Variants in IQSEC2 observed in about 807,000 individuals in gnomAD.
IQSEC2 encodes IQ motif and Sec7 domain ArfGEF 2.
Under a neutral mutation model 74.6 loss-of-function variants are expected in IQSEC2, and 6 were observed. The ratio of observed to expected loss-of-function variants is 0.08; its 90% confidence interval spans 0.04 to 0.16. IQSEC2 has a LOEUF of 0.16. Ranked by LOEUF, IQSEC2 falls within the 10% of genes least tolerant of loss-of-function variation. The probability of loss-of-function intolerance (pLI) is 1.00; values close to 1 mark genes in which losing one functional copy is unlikely to be tolerated. For synonymous variants in IQSEC2, 494 were observed against 544.5 expected (o/e 0.91, Z 1.29); for missense variants, 734 against 1,306.2 (o/e 0.56, Z 6.75).
intron 4 of IQSEC2, among the ~76,000 whole-genome samples, chrX:53,254,326 G>A (rs1327146546): frequency 5.9e-5 from 2 of 33,842 alleles, no homozygotes; most frequent in Admixed American, 4.3e-4. Context: ...GCGAAACTCC[G>A]TCTCAAAAAA....
chrX:53,321,247 T>G lies in IQSEC2; in HGVS notation c.-124A>C. Reference sequence around the variant, plus strand: ...GGGACGCGAGGGCGCGCACCGGGCTTGAGGGCCCGGGGGCCCTAGGGGGCC... The same window carrying G: ...GGGACGCGAGGGCGCGCACCGGGCTGGAGGGCCCGGGGGCCCTAGGGGGCC... On this transcript the variant is annotated 5_prime_UTR_variant, in exon 1 of 15. Transcript: ENST00000642864. The G allele has an allele frequency of 5.0e-6, 2 of 398,062 alleles. No individual in the cohort carries two copies. The highest frequency in any genetic ancestry group is 8.3e-6 in the Non-Finnish European group (2 of 241,427). The allele number at this position is 398,062 out of a possible 1,213,427, so 32.8% of individuals were successfully genotyped here.
intron 1 of IQSEC2, among the ~76,000 whole-genome samples, chrX:53,306,846 GC>G (rs2075267167): frequency 9.0e-6 from 1 of 111,262 alleles, no homozygotes; most frequent in Non-Finnish European, 1.9e-5. Context: ...CCACTTAGGG[GC>G]TTGCAGCTGA....
At chrX:53,257,055 C>T (rs1055605491) in intron 2 of IQSEC2, among the ~76,000 whole-genome samples, 4 of 111,499 alleles carry the variant, frequency 3.6e-5, no homozygotes, top group African/African-American at 1.3e-4. Context: ...GGGAAGGAGT[C>T]GGGCGGGAAG....
At position 53,312,368 on chromosome X, in the gene IQSEC2, G is replaced by A. The variant is rs1219364975; in HGVS notation, c.707+8049C>T. The stretch of plus-strand genomic sequence containing the variant: ...ACACACTGGATAGCACACTGCAATC[G>A]TCTATTTCCACCACCACCTTCTCCA... On this transcript the variant is annotated intron_variant, in intron 1 of 14. Transcript: ENST00000642864. Among the ~76,000 whole-genome samples, 7 of 111,642 alleles carry A rather than the reference G, an allele frequency of 6.3e-5. No individual in the cohort carries two copies. The Admixed American group carries it at 6.7e-4, about 11-fold the overall frequency.
At chrX:53,274,452 CTTTTTTTT>C (rs66510453) in intron 2 of IQSEC2, among the ~76,000 whole-genome samples, 2 of 47,111 alleles carry the variant, frequency 4.2e-5, no homozygotes, top group Admixed American at 4.0e-4. Flanking sequence ...AGTTACATTT[CTTTTTTTT>C]TTTTTTTTTT....
intron 4 of IQSEC2, among the ~76,000 whole-genome samples, chrX:53,251,672 A>G (rs1556863734): frequency 8.9e-6 from 1 of 112,189 alleles, no homozygotes; most frequent in Non-Finnish European, 1.9e-5. Context: ...CCTGGTATTC[A>G]CACCCTAGGG....
chrX:53,259,789 G>C (rs1556866109), intron 2 of IQSEC2, among the ~76,000 whole-genome samples: 1 of 84,294 alleles, frequency 1.2e-5, no homozygotes, highest in Non-Finnish European at 2.5e-5. Context: ...AACAAAGTGA[G>C]ACCCTGTCTC....
intron 2 of IQSEC2, chrX:53,281,573 C>A: frequency 8.8e-7 from 1 of 1,135,530 alleles, no homozygotes; most frequent in Non-Finnish European, 1.2e-6. Flanking sequence ...GGTGTCTCCA[C>A]CGTGTCACCA....
chrX:53,302,647 G>C (rs1488456630), intron 1 of IQSEC2, among the ~76,000 whole-genome samples: 4 of 112,010 alleles, frequency 3.6e-5, no homozygotes, highest in African/African-American at 1.3e-4. Flanking sequence ...AGGGTAAAAA[G>C]GCATTTGGGG....
At chrX:53,249,020 TCCC>T in intron 5 of IQSEC2, 138 bp from the exon 6 acceptor site, 2 of 590,171 alleles carry the variant, frequency 3.4e-6, no homozygotes, top group Non-Finnish European at 5.4e-6. Context: ...TTTGATCCAA[TCCC>T]ATCATGGCAC....
chrX:53,243,198 T>G, intron 9 of IQSEC2, 134 bp downstream of exon 9: 1 of 504,242 alleles, frequency 2.0e-6, no homozygotes. Context: ...CACAGCCTTC[T>G]GAGGAATGCA....
intron 8 of IQSEC2, among the ~76,000 whole-genome samples, chrX:53,245,756 AC>A (rs782562031): frequency 5.8e-4 from 64 of 110,700 alleles, no homozygotes; most frequent in Non-Finnish European, 1.0e-3. Flanking sequence ...GCAAGGTGAC[AC>A]CTTTCATCTG....
chrX:53,234,951 G>A lies in IQSEC2; in HGVS notation c.3735C>T (p.His1245=), dbSNP rs797045630. ...ASSTHHHHHH[H]HHGHSHGGLG... is the part of the protein sequence containing the mutation. ...GGCCACCGTGGCTATGGCCATGATGGTGGTGGTGGTGGTGGTGGTGCGTGG... is the reference window on the plus strand; with the variant it reads ...GGCCACCGTGGCTATGGCCATGATGATGGTGGTGGTGGTGGTGGTGCGTGG... The change falls in exon 15 of 15, where the codon CAC becomes CAT. Residue 1245 remains histidine, a synonymous_variant. Coordinates refer to ENST00000642864, the MANE Select transcript of IQSEC2 (RefSeq NM_001111125.3). 233 of 1,129,052 alleles carry A rather than the reference G, an allele frequency of 2.1e-4. No homozygotes were observed. Among genetic ancestry groups the A allele is most frequent in the Non-Finnish European group, 2.5e-4 (214 of 845,930 alleles). The allele number at this position is 1,129,052 out of a possible 1,213,427, so 93.0% of individuals were successfully genotyped here.
intron 2 of IQSEC2, among the ~76,000 whole-genome samples, chrX:53,286,285 G>C (rs947561174): frequency 8.9e-6 from 1 of 112,202 alleles, no homozygotes; most frequent in African/African-American, 3.2e-5. Context: ...TATGGAACTT[G>C]AAAGCACAGT....
At chrX:53,282,283 T>C (rs1437197008) in intron 2 of IQSEC2, among the ~76,000 whole-genome samples, 1 of 112,642 alleles carries the variant, frequency 8.9e-6, no homozygotes, top group African/African-American at 3.2e-5. Context: ...GATGGGCAAA[T>C]TGAGGCCTGG....
At chrX:53,269,343 C>T (rs2074705189) in intron 2 of IQSEC2, among the ~76,000 whole-genome samples, 1 of 111,173 alleles carries the variant, frequency 9.0e-6, no homozygotes, top group South Asian at 3.8e-4. Flanking sequence ...CCCCAATACC[C>T]TTGTATCCCC....
chrX:53,291,732 C>T (rs782613583), intron 2 of IQSEC2, among the ~76,000 whole-genome samples, 163 bp downstream of exon 2: 1 of 110,435 alleles, frequency 9.1e-6, no homozygotes, highest in Non-Finnish European at 1.9e-5. Flanking sequence ...CATCCCCCAA[C>T]TGCCCTCTCA....
At chrX:53,247,245 G>GC in intron 7 of IQSEC2, 110 bp from the exon 8 acceptor site, 2 of 761,114 alleles carry the variant, frequency 2.6e-6, no homozygotes, top group Non-Finnish European at 3.9e-6. Context: ...ATACTTTCTT[G>GC]ATCTCTGGGT....
intron 1 of IQSEC2, among the ~76,000 whole-genome samples, chrX:53,311,135 AG>A (rs1271544833): frequency 3.2e-5 from 3 of 92,526 alleles, no homozygotes; most frequent in Non-Finnish European, 4.4e-5. Flanking sequence ...AAAAAAAAAA[AG>A]AAAAGAAAAG....
Sources: allele counts gnomAD v4.1 joint callset (sites outside exome capture counted in the v4.1 genomes callset), GRCh38; gene constraint gnomAD v4.1.1; transcripts MANE v1.5; gene names NCBI Gene and HGNC (gene_info 2026-07-23, HGNC 2026-07-21).